Variants in PLAGL1 observed in about 807,000 individuals in gnomAD.
PLAGL1 encodes the protein PLAG1 like zinc finger 1.
A neutral mutation model predicts 4.6 loss-of-function variants in PLAGL1; 1 was observed. That is an observed-to-expected ratio of 0.22 (90% confidence interval 0.08 to 1.03). PLAGL1 has a LOEUF of 1.03. Among genes scored for constraint, PLAGL1 ranks in the 50% least tolerant of loss-of-function variants. PLAGL1 has a pLI of 0.58. For missense variants in PLAGL1, 464 were observed against 570.4 expected, an observed-to-expected ratio of 0.81 and a Z score of 1.90; for synonymous variants, 240 against 237.8, an observed-to-expected ratio of 1.01 and a Z score of -0.08.
chr6:144,053,771 C>T lies in PLAGL1; in HGVS notation c.-151+10697G>A, dbSNP rs1342927932. On this transcript the variant is annotated intron_variant, in intron 1 of 3. Transcript: ENST00000437412. The surrounding 1 kb of genome is among the most constrained non-coding windows in gnomAD (Gnocchi z 4.0). ...CCAGTTACTGATCACGGTATTCTTG[C>T]CCAGTGAACATAGTTATAACCTCGA... is the stretch of plus-strand genomic sequence containing the variant. 6.6e-6 allele frequency among the ~76,000 whole-genome samples: 1 copy of T among 152,148 alleles called. No homozygotes were observed. Among genetic ancestry groups the T allele is most frequent in the Non-Finnish European group, 1.5e-5 (1 of 68,034 alleles).
chr6:143,959,395 C>T lies in PLAGL1; in HGVS notation c.-325+1074G>A, dbSNP rs1374644156. ...TCCTAGTCTTCTAATGTCAGGCACA[C>T]TGTAAACAGAAGATACAGGCAAGAC... is the stretch of plus-strand genomic sequence containing the variant. On this transcript the variant is annotated intron_variant, in intron 6 of 7. Transcript: ENST00000674357. This position sits in a 1 kb window ranked among gnomAD's most constrained non-coding sequence, Gnocchi z 5.3. 1.1e-4 allele frequency among the ~76,000 whole-genome samples: 16 copies of T among 152,164 alleles called. No homozygotes were observed. The highest frequency in any genetic ancestry group is 2.1e-4 in the Non-Finnish European group (14 of 68,030).
At chr6:144,026,191 T>G (rs1796327674) in intron 1 of PLAGL1, among the ~76,000 whole-genome samples, 1 of 152,206 alleles carries the variant, frequency 6.6e-6, no homozygotes, top group South Asian at 2.1e-4. Context: ...GTGTGTGTCC[T>G]GGATTATGAT....
At chr6:144,023,797 GAC>G (rs1387393060) in intron 1 of PLAGL1, among the ~76,000 whole-genome samples, 1 of 69,058 alleles carries the variant, frequency 1.4e-5, no homozygotes, top group Non-Finnish European at 2.5e-5. Context: ...TTTTTTTTGA[GAC>G]AGAGTCTTGT....
At chr6:144,025,011 C>T (rs889122991) in intron 1 of PLAGL1, among the ~76,000 whole-genome samples, 1 of 152,196 alleles carries the variant, frequency 6.6e-6, no homozygotes, top group African/African-American at 2.4e-5. Flanking sequence ...GCATAGGCTG[C>T]ATGTACAGCC....
rs1798473506 is a variant in PLAGL1, at chr6:144,050,094, A to C, written c.-151+14374T>G. On this transcript the variant is annotated intron_variant, in intron 1 of 3. Coordinates refer to the PLAGL1 transcript ENST00000437412. The surrounding 1 kb of genome is among the most constrained non-coding windows in gnomAD (Gnocchi z 4.3). ...TTTTGAATGAAGTAGGAGAGTAGTT[A>C]TTTTTCATGAAAGCAAGTAAGGGTG... Among the ~76,000 whole-genome samples, 1 of 152,068 alleles carries C rather than the reference A, an allele frequency of 6.6e-6. No individual in the cohort carries two copies. Among genetic ancestry groups the C allele is most frequent in the South Asian group, 2.1e-4 (1 of 4,822 alleles).
At position 144,027,922 on chromosome 6, in the gene PLAGL1, AT is replaced by A. The variant is rs1796491398; in HGVS notation, c.-151+36545del. 6.6e-6 allele frequency among the ~76,000 whole-genome samples: 1 copy of A among 152,240 alleles called. No individual in the cohort carries two copies. Among genetic ancestry groups the A allele is most frequent in the Admixed American group, 6.5e-5 (1 of 15,282 alleles). On this transcript the variant is annotated intron_variant, in intron 1 of 3. Transcript: ENST00000437412. This position sits in a 1 kb window ranked among gnomAD's most constrained non-coding sequence, Gnocchi z 5.8. Reference sequence around the variant, plus strand: ...GAGTGTCTTTCATTTTGATATGAGAATAAACAGATGCCTGGCAGCATTTGTT... The same window carrying A: ...GAGTGTCTTTCATTTTGATATGAGAAAAACAGATGCCTGGCAGCATTTGTT...
At chr6:143,943,511 C>T (rs1266988855) in intron 7 of PLAGL1, among the ~76,000 whole-genome samples, 1 of 151,818 alleles carries the variant, frequency 6.6e-6, no homozygotes, top group Admixed American at 6.5e-5. Context: ...TCAGCCTCAG[C>T]CTCTGCCTGC....
chr6:144,014,442 TA>T (rs1280697276), intron 1 of PLAGL1, among the ~76,000 whole-genome samples: 1 of 150,240 alleles, frequency 6.7e-6, no homozygotes, highest in Non-Finnish European at 1.5e-5. Context: ...AAAATAAAAA[TA>T]AAAAAAAGAC....
rs975055037 is a variant in PLAGL1, at chr6:143,966,405, C to CA, written c.-471-208dup. ...AACCCAACTGTGCACACACACACACCAAAAAATAAGTACAATAACTGAACT... is the reference window on the plus strand; with the variant it reads ...AACCCAACTGTGCACACACACACACCAAAAAAATAAGTACAATAACTGAACT... On this transcript the variant is annotated intron_variant, in intron 3 of 7. Transcript: ENST00000674357. This position sits in a 1 kb window ranked among gnomAD's most constrained non-coding sequence, Gnocchi z 6.0. The CA allele has an allele frequency of 6.6e-6, 1 of 152,050 alleles. No homozygotes were observed. The highest frequency in any genetic ancestry group is 1.5e-5 in the Non-Finnish European group (1 of 68,012). 9.4% of individuals were successfully genotyped at this position (152,050 alleles called of 1,614,324 possible).
intron 2 of PLAGL1, among the ~76,000 whole-genome samples, chr6:143,980,084 C>T (rs1195001247): frequency 1.3e-5 from 2 of 152,116 alleles, no homozygotes; most frequent in Admixed American, 6.6e-5. Context: ...AGGAAGCCTT[C>T]TGTCATGTTT....
intron 1 of PLAGL1, among the ~76,000 whole-genome samples, chr6:144,043,342 A>G (rs546080107): frequency 2.0e-5 from 3 of 152,266 alleles, no homozygotes; most frequent in East Asian, 3.9e-4. Context: ...ATTTTGAGAT[A>G]TGTCCCATCA....
At chr6:144,026,613 A>G (rs1796359107) in intron 1 of PLAGL1, among the ~76,000 whole-genome samples, 1 of 152,198 alleles carries the variant, frequency 6.6e-6, no homozygotes, top group Non-Finnish European at 1.5e-5. Flanking sequence ...ATTCTTATAG[A>G]AACCCATGTT....
intron 1 of PLAGL1, among the ~76,000 whole-genome samples, chr6:144,046,804 C>T (rs1482698919): frequency 6.6e-6 from 1 of 152,222 alleles, no homozygotes; most frequent in African/African-American, 2.4e-5. Flanking sequence ...AAGGTGGAGT[C>T]TACAGAGGCA....
chr6:144,046,074 G>A (rs955074912), intron 1 of PLAGL1, among the ~76,000 whole-genome samples: 2 of 152,118 alleles, frequency 1.3e-5, no homozygotes, highest in Non-Finnish European at 2.9e-5. Context: ...GTTCTAGTGA[G>A]CCATTCATCT....
At chr6:143,981,686 A>G (rs1325387196) in intron 2 of PLAGL1, among the ~76,000 whole-genome samples, 1 of 152,112 alleles carries the variant, frequency 6.6e-6, no homozygotes, top group Non-Finnish European at 1.5e-5. Context: ...ATTTTAGGCG[A>G]GAGAATAACT....
chr6:143,942,954 G>A lies in PLAGL1; in HGVS notation c.153-291C>T, dbSNP rs575677004. Among the ~76,000 whole-genome samples the A allele has an allele frequency of 3.3e-5, 5 of 150,938 alleles. No homozygotes were observed. The South Asian group carries it at 8.4e-4, about 25-fold the overall frequency. On this transcript the variant is annotated intron_variant, in intron 7 of 7. Transcript: ENST00000674357. The surrounding 1 kb of genome is among the most constrained non-coding windows in gnomAD (Gnocchi z 7.6). ...GATCATGGCTCACTGCAGCCTCAAC[G>A]TCCTGGGCTCAAGCAATCTTCCCAC...
intron 1 of PLAGL1, among the ~76,000 whole-genome samples, chr6:144,049,001 T>C (rs1026651648): frequency 3.3e-5 from 5 of 152,380 alleles, no homozygotes; most frequent in Admixed American, 1.3e-4. Flanking sequence ...ACCTCTTGAA[T>C]GCTTTGCTGC....
chr6:143,989,135 A>G lies in PLAGL1; in HGVS notation c.-583-3961T>C, dbSNP rs1789843015. On this transcript the variant is annotated intron_variant, in intron 1 of 7. Coordinates refer to ENST00000674357, the MANE Select transcript of PLAGL1 (RefSeq NM_001317162.2). The surrounding 1 kb of genome is among the most constrained non-coding windows in gnomAD (Gnocchi z 4.8). The stretch of plus-strand genomic sequence containing the variant: ...ATGCATACCTCAGGGATAACTTGGA[A>G]AGCCCAGATAGGCAGCTCAGTGTGT... Among the ~76,000 whole-genome samples, 1 of 152,226 alleles carries G rather than the reference A, an allele frequency of 6.6e-6. No homozygotes were observed. Among genetic ancestry groups the G allele is most frequent in the Admixed American group, 6.5e-5 (1 of 15,282 alleles).
At chr6:144,020,167 C>T (rs886091158) in intron 1 of PLAGL1, among the ~76,000 whole-genome samples, 5 of 152,166 alleles carry the variant, frequency 3.3e-5, no homozygotes, top group Non-Finnish European at 5.9e-5. Context: ...GAAAGAGAGC[C>T]CTCACCACAC....
Sources: allele counts gnomAD v4.1 joint callset (sites outside exome capture counted in the v4.1 genomes callset), GRCh38; gene constraint gnomAD v4.1.1; non-coding constraint Gnocchi (gnomAD v3.1); transcripts MANE v1.5; gene names NCBI Gene and HGNC (gene_info 2026-07-23, HGNC 2026-07-21).